The following EXOC2 variants were observed in gnomAD, a reference collection of about 807,000 sequenced individuals.
EXOC2 encodes the protein SEC5-like 1.
In EXOC2, 70 loss-of-function variants were observed where a neutral mutation model predicts 131.8. The ratio of observed to expected loss-of-function variants is 0.53; its 90% CI spans 0.44 to 0.65. EXOC2 has a LOEUF of 0.65. Among genes scored for constraint, EXOC2 ranks in the 30% least tolerant of loss-of-function variants. EXOC2 has a pLI of 0.00. For synonymous variants in EXOC2, 411 were observed against 398.4 expected (o/e 1.03, Z -0.38); for missense variants, 923 against 1,108.6 (o/e 0.83, Z 2.38).
chr6:573,416 C>T (rs1331335037), intron 12 of EXOC2, among the ~76,000 whole-genome samples: 7 of 152,146 alleles, frequency 4.6e-5, no homozygotes, highest in African/African-American at 9.7e-5. Context: ...CCTCCCGCCC[C>T]GCACTCCACT....
intron 23 of EXOC2, among the ~76,000 whole-genome samples, chr6:508,611 T>C (rs1254231147): frequency 6.6e-6 from 1 of 152,272 alleles, no homozygotes; most frequent in Non-Finnish European, 1.5e-5. Flanking sequence ...CATGCCTTGC[T>C]CATTTCATCT....
chr6:549,938 C>A (rs1247121937), intron 21 of EXOC2, among the ~76,000 whole-genome samples: 3 of 152,250 alleles, frequency 2.0e-5, no homozygotes, highest in African/African-American at 7.2e-5. Context: ...AAGCCAGTTA[C>A]TTCTACATTC....
At chr6:660,509 G>A (rs1763379003) in intron 1 of EXOC2, among the ~76,000 whole-genome samples, 2 of 152,222 alleles carry the variant, frequency 1.3e-5, no homozygotes, top group Admixed American at 1.3e-4. Context: ...TACCAGCACA[G>A]AGCTGGGTAG....
At chr6:487,285 G>A (rs1763127536) in intron 27 of EXOC2, among the ~76,000 whole-genome samples, 1 of 150,230 alleles carries the variant, frequency 6.7e-6, no homozygotes, top group Non-Finnish European at 1.5e-5. Flanking sequence ...TTAGAGAGTG[G>A]GGAGCGAAAG....
chr6:492,008 G>A (rs975232623), intron 25 of EXOC2, among the ~76,000 whole-genome samples: 5 of 152,088 alleles, frequency 3.3e-5, no homozygotes, highest in Non-Finnish European at 5.9e-5. Flanking sequence ...AAATTAACAC[G>A]GATCACAGAT....
intron 7 of EXOC2, 105 bp from the exon 8 acceptor site, chr6:599,330 A>G (rs764674072): frequency 1.1e-4 from 116 of 1,071,422 alleles, no homozygotes; most frequent in Non-Finnish European, 1.4e-4. Context: ...TTGTAGTTTT[A>G]CGTTAAAACT....
At chr6:539,220 G>A (rs920176080) in intron 22 of EXOC2, among the ~76,000 whole-genome samples, 9 of 152,178 alleles carry the variant, frequency 5.9e-5, no homozygotes, top group Non-Finnish European at 1.3e-4. Flanking sequence ...GTACATATTA[G>A]CACTGAGGAG....
chr6:585,332 C>T (rs183487769), intron 11 of EXOC2, among the ~76,000 whole-genome samples: 359 of 152,214 alleles, frequency 2.4e-3, no homozygotes, highest in Admixed American at 3.8e-3. Context: ...GCATGTGGAG[C>T]GTTTGGGGGT....
chr6:507,587 T>C (rs543393506), intron 23 of EXOC2, among the ~76,000 whole-genome samples: 17 of 152,288 alleles, frequency 1.1e-4, no homozygotes, highest in African/African-American at 3.4e-4. Context: ...GAATCATTCA[T>C]GAAAAAATGA....
At chr6:595,176 T>C (rs1759744042) in intron 10 of EXOC2, among the ~76,000 whole-genome samples, 1 of 152,044 alleles carries the variant, frequency 6.6e-6, no homozygotes, top group Admixed American at 6.5e-5. Context: ...GATAAAATAG[T>C]GAATGATATT....
chr6:663,260 C>A (rs1763498787), intron 1 of EXOC2, among the ~76,000 whole-genome samples: 1 of 152,054 alleles, frequency 6.6e-6, no homozygotes, highest in Non-Finnish European at 1.5e-5. Context: ...AATAGACACC[C>A]CGAACAGACC....
chr6:495,315 C>T (rs541553266), intron 25 of EXOC2, among the ~76,000 whole-genome samples: 105 of 150,986 alleles, frequency 7.0e-4, no homozygotes, highest in Admixed American at 1.6e-3. Context: ...TTAGTAGAGA[C>T]GGGTTTCACC....
chr6:487,413 T>TTTTC lies in EXOC2; in HGVS notation c.2682-653_2682-650dup, dbSNP rs1430282297. ...TGATGTGATACAGTCATCTAATTTT[T>TTTTC]TTTCTTTTTTTCAGATGGAGTTTTG... On this transcript the variant is annotated intron_variant, in intron 27 of 27. Transcript: ENST00000230449. 7.2e-5 allele frequency among the ~76,000 whole-genome samples: 11 copies of TTTTC among 152,294 alleles called. No individual in the cohort carries two copies. The East Asian group carries it at 2.1e-3, about 29-fold the overall frequency.
intron 1 of EXOC2, among the ~76,000 whole-genome samples, chr6:677,861 C>T (rs576503949): frequency 3.2e-4 from 48 of 152,166 alleles, no homozygotes; most frequent in Middle Eastern, 3.4e-3. Context: ...TTGTCCAATA[C>T]TCCACAACCA....
intron 21 of EXOC2, among the ~76,000 whole-genome samples, chr6:552,887 T>C (rs1224083256): frequency 2.6e-5 from 4 of 151,824 alleles, no homozygotes; most frequent in Non-Finnish European, 5.9e-5. Flanking sequence ...CACCCCCCCT[T>C]CAAACTCATG....
intron 1 of EXOC2, among the ~76,000 whole-genome samples, chr6:670,731 G>A (rs951797143): frequency 1.3e-5 from 2 of 152,042 alleles, no homozygotes; most frequent in Admixed American, 6.6e-5. Flanking sequence ...GCCACAACTC[G>A]CATCACATAA....
At chr6:646,453 C>T (rs1014342230) in intron 1 of EXOC2, among the ~76,000 whole-genome samples, 1 of 152,240 alleles carries the variant, frequency 6.6e-6, no homozygotes, top group Non-Finnish European at 1.5e-5. Context: ...GTTACTTTTA[C>T]TATTCTGGAA....
intron 11 of EXOC2, among the ~76,000 whole-genome samples, chr6:589,019 C>T (rs1011684065): frequency 5.9e-5 from 9 of 152,248 alleles, no homozygotes; most frequent in Admixed American, 3.3e-4. Context: ...TCAAAAAGTC[C>T]ATATGTTGTC....
At chr6:555,759 G>T (rs1334688930) in intron 19 of EXOC2, among the ~76,000 whole-genome samples, 195 bp downstream of exon 19, 3 of 152,122 alleles carry the variant, frequency 2.0e-5, no homozygotes, top group African/African-American at 7.2e-5. Flanking sequence ...AAACATTTGG[G>T]TATTGCTAAA....
Sources: allele counts gnomAD v4.1 joint callset (sites outside exome capture counted in the v4.1 genomes callset), GRCh38; gene constraint gnomAD v4.1.1; transcripts MANE v1.5; gene names NCBI Gene and HGNC (gene_info 2026-07-23, HGNC 2026-07-21).